Variants in EDA observed in about 807,000 individuals in gnomAD.
The protein encoded by EDA is ectodysplasin A, also known as ectodysplasin-A.
Under a neutral mutation model 23.6 loss-of-function variants are expected in EDA, and 2 were observed. That is an observed-to-expected ratio of 0.08 (90% CI 0.03 to 0.27). The LOEUF is 0.27. Ranked by LOEUF, EDA falls within the 10% of genes least tolerant of loss-of-function variation. The probability of loss-of-function intolerance (pLI) is 1.00; values close to 1 mark genes in which losing one functional copy is unlikely to be tolerated. For synonymous variants in EDA, 131 were observed against 132.0 expected, an observed-to-expected ratio of 0.99 and a Z score of 0.05; for missense variants, 229 against 324.2, an observed-to-expected ratio of 0.71 and a Z score of 2.26.
intron 1 of EDA, 22 bp from the exon 2 acceptor site, chrX:69,957,005 A>G: frequency 1.7e-6 from 2 of 1,185,731 alleles, no homozygotes; most frequent in Non-Finnish European, 2.3e-6. Flanking sequence ...ACCTTTGACT[A>G]ATGTACTTGT....
intron 1 of EDA, among the ~76,000 whole-genome samples, chrX:69,741,225 A>G (rs1391257943): frequency 9.0e-6 from 1 of 111,127 alleles, no homozygotes; most frequent in Non-Finnish European, 1.9e-5. Flanking sequence ...TACTTTTTAA[A>G]AAGCTGTGTG....
chrX:69,654,752 A>T (rs1363380258), intron 1 of EDA, among the ~76,000 whole-genome samples: 1 of 94,519 alleles, frequency 1.1e-5, no homozygotes, highest in Non-Finnish European at 2.1e-5. Context: ...AACAATGAGA[A>T]CACATGGACA....
chrX:69,846,123 G>A lies in EDA; in HGVS notation c.397-110904G>A, dbSNP rs758116118. On this transcript the variant is annotated intron_variant, in intron 1 of 7. Coordinates refer to ENST00000374552, the MANE Select transcript of EDA (RefSeq NM_001399.5). Reference sequence around the variant, plus strand: ...ATAAATAACTAATATAGGAATCAACGTTTGTGAAATTCAAACATGGTCTGG... The same window carrying A: ...ATAAATAACTAATATAGGAATCAACATTTGTGAAATTCAAACATGGTCTGG... 3.5e-3 allele frequency among the ~76,000 whole-genome samples: 396 copies of A among 112,338 alleles called. 1 individual carries two copies. Among genetic ancestry groups the A allele is most frequent in the African/African-American group, 0.012 (373 of 30,988 alleles).
chrX:69,848,521 T>C (rs977400088), intron 1 of EDA, among the ~76,000 whole-genome samples: 2 of 111,680 alleles, frequency 1.8e-5, no homozygotes, highest in South Asian at 7.4e-4. Context: ...CTATTCTCTC[T>C]ACTACTTTGT....
chrX:69,812,328 T>G (rs1477686875), intron 1 of EDA, among the ~76,000 whole-genome samples: 1 of 112,511 alleles, frequency 8.9e-6, no homozygotes, highest in East Asian at 2.8e-4. Flanking sequence ...GAAAATATAG[T>G]TTTATTTATA....
chrX:69,929,667 G>A (rs764239293), intron 1 of EDA, among the ~76,000 whole-genome samples: 5 of 106,432 alleles, frequency 4.7e-5, no homozygotes, highest in Non-Finnish European at 9.7e-5. Context: ...TGTAGATTCT[G>A]CTCAGGGTTA....
intron 1 of EDA, among the ~76,000 whole-genome samples, chrX:69,669,405 C>T (rs1269728793): frequency 2.7e-5 from 3 of 110,872 alleles, no homozygotes; most frequent in African/African-American, 9.8e-5. Flanking sequence ...TAGTGCTGAA[C>T]TTTGAGTCCT....
intron 1 of EDA, among the ~76,000 whole-genome samples, chrX:69,757,438 T>C (rs948145770): frequency 5.3e-5 from 6 of 112,348 alleles, no homozygotes; most frequent in South Asian, 3.7e-4. Context: ...ATAATATTGA[T>C]TGCATGATCC....
intron 1 of EDA, among the ~76,000 whole-genome samples, chrX:69,716,223 C>T (rs1040203287): frequency 4.5e-5 from 5 of 111,837 alleles, no homozygotes. Flanking sequence ...AGTCTTTACT[C>T]GTTCTTGAGT....
intron 1 of EDA, among the ~76,000 whole-genome samples, chrX:69,885,660 G>A (rs186874754): frequency 9.0e-6 from 1 of 111,731 alleles, no homozygotes; most frequent in East Asian, 2.8e-4. Context: ...TGGAATTCAG[G>A]TACAAGTTTG....
At chrX:69,862,128 T>A (rs1414487248) in intron 1 of EDA, among the ~76,000 whole-genome samples, 1 of 111,517 alleles carries the variant, frequency 9.0e-6, no homozygotes, top group Non-Finnish European at 1.9e-5. Flanking sequence ...AAGATTTGAC[T>A]GGGGCTAGAG....
chrX:69,841,240 A>G (rs769506904), intron 1 of EDA, among the ~76,000 whole-genome samples: 1 of 112,047 alleles, frequency 8.9e-6, no homozygotes, highest in African/African-American at 3.2e-5. Flanking sequence ...TACTATGGTC[A>G]ATAGTAGAGG....
At chrX:70,009,564 GGTTTTGTTTTGTTTTGTTTT>G (rs61286017) in intron 2 of EDA, among the ~76,000 whole-genome samples, 34 of 107,551 alleles carry the variant, frequency 3.2e-4, no homozygotes, top group Non-Finnish European at 4.8e-4. Flanking sequence ...TGTTTGTTTG[GGTTTTGTTTTGTTTTGTTTT>G]GTTTTGTTTT....
At chrX:69,780,203 G>T (rs1299367690) in intron 1 of EDA, among the ~76,000 whole-genome samples, 1 of 111,033 alleles carries the variant, frequency 9.0e-6, no homozygotes, top group Non-Finnish European at 1.9e-5. Flanking sequence ...ATATACAGAT[G>T]AAATGTTGTA....
chrX:69,812,893 G>T (rs1425695934), intron 1 of EDA, among the ~76,000 whole-genome samples: 4 of 111,457 alleles, frequency 3.6e-5, no homozygotes, highest in Non-Finnish European at 7.5e-5. Flanking sequence ...ATTACTGTGG[G>T]ACTGTATTTG....
chrX:69,622,844 A>G lies in EDA; in HGVS notation c.396+6140A>G, dbSNP rs746150382. 2.5e-4 allele frequency among the ~76,000 whole-genome samples: 28 copies of G among 111,882 alleles called. No homozygotes were observed. In the South Asian group the frequency reaches 0.01, roughly 40 times the overall value. On this transcript the variant is annotated intron_variant, in intron 1 of 7. Transcript: ENST00000374552. ...GTTTTTGACATTTACATTTAGGTCT[A>G]TACTCCACTTGAAATCGATTTTTGT...
At chrX:69,873,828 A>G (rs1041678227) in intron 1 of EDA, among the ~76,000 whole-genome samples, 2 of 112,163 alleles carry the variant, frequency 1.8e-5, no homozygotes, top group Admixed American at 9.4e-5. Flanking sequence ...GAATGATTCT[A>G]TGAAGCCAGT....
At chrX:69,974,497 G>C in intron 2 of EDA, among the ~76,000 whole-genome samples, 1 of 111,158 alleles carries the variant, frequency 9.0e-6, no homozygotes, top group Non-Finnish European at 1.9e-5. Flanking sequence ...CTGGACATCA[G>C]CTTTGGGAAA....
intron 1 of EDA, among the ~76,000 whole-genome samples, chrX:69,837,544 T>G (rs1006749776): frequency 8.9e-6 from 1 of 112,350 alleles, no homozygotes; most frequent in African/African-American, 3.2e-5. Context: ...TTTGTTAAGA[T>G]CATGTTTATA....
Sources: gnomAD v4.1 joint callset for allele counts (sites outside exome capture counted in the v4.1 genomes callset) on GRCh38, gnomAD v4.1.1 for gene constraint, MANE v1.5 for transcripts, NCBI Gene and HGNC (gene_info 2026-07-23, HGNC 2026-07-21) for gene names.